Variants in TBC1D22B observed in about 807,000 individuals in gnomAD.
The protein encoded by TBC1D22B is TBC1 domain family member 22B.
TBC1D22B carries 32 observed loss-of-function variants against 69.1 expected under a neutral mutation model. The observed-to-expected ratio is 0.46, with a 90% CI of 0.35 to 0.62. TBC1D22B has a LOEUF of 0.62. Among genes scored for constraint, TBC1D22B ranks in the 20% least tolerant of loss-of-function variants. The pLI is 0.00. For synonymous variants in TBC1D22B, 206 were observed against 229.8 expected (o/e 0.90, Z 0.94); for missense variants, 462 against 630.9 (o/e 0.73, Z 2.87).
intron 12 of TBC1D22B, among the ~76,000 whole-genome samples, chr6:37,325,859 G>A (rs1344453189): frequency 6.6e-6 from 1 of 152,132 alleles, no homozygotes; most frequent in Admixed American, 6.5e-5. Flanking sequence ...TCCCATTGTT[G>A]CAGCATGAGG....
intron 12 of TBC1D22B, among the ~76,000 whole-genome samples, chr6:37,320,929 T>C (rs1768221866): frequency 6.6e-6 from 1 of 152,234 alleles, no homozygotes. Flanking sequence ...AGGTGGGGAC[T>C]CTTGACAATT....
intron 12 of TBC1D22B, chr6:37,324,311 C>T (rs1267167388): frequency 2.2e-5 from 10 of 456,630 alleles, no homozygotes; most frequent in Admixed American, 1.9e-4. Context: ...AGCTGGGTCA[C>T]ACTGGTGGCT....
At chr6:37,316,851 T>G in intron 11 of TBC1D22B, 21 bp downstream of exon 11, 1 of 1,613,854 alleles carries the variant, frequency 6.2e-7, no homozygotes, top group Non-Finnish European at 8.5e-7. Flanking sequence ...TTCCCCGGCC[T>G]CTCTGTGCCA....
intron 12 of TBC1D22B, among the ~76,000 whole-genome samples, chr6:37,329,845 AC>A (rs1397428803): frequency 1.3e-5 from 2 of 152,214 alleles, no homozygotes; most frequent in Non-Finnish European, 2.9e-5. Context: ...TAGAAGTTAC[AC>A]CTATCATTTT....
At chr6:37,304,101 A>T (rs1483881899) in intron 8 of TBC1D22B, among the ~76,000 whole-genome samples, 2 of 152,198 alleles carry the variant, frequency 1.3e-5, no homozygotes, top group Non-Finnish European at 2.9e-5. Flanking sequence ...TGGCCACTGG[A>T]GGGCAGTGAG....
intron 8 of TBC1D22B, among the ~76,000 whole-genome samples, chr6:37,296,136 C>G (rs1767359170): frequency 6.6e-6 from 1 of 152,110 alleles, no homozygotes; most frequent in African/African-American, 2.4e-5. Flanking sequence ...GTGGCATGCA[C>G]CTGTAATTCC....
Position 37,279,370 on chromosome 6 carries a change from T to G in TBC1D22B, c.180T>G (p.His60Gln), listed in dbSNP as rs771782230. The change falls in exon 3 of 13, where the codon CAT (histidine) becomes CAG (glutamine). Residue 60 changes from histidine (H) to glutamine (Q), a missense_variant. By Grantham distance (24) the His-to-Gln change is conservative. Coordinates refer to ENST00000373491, the MANE Select transcript of TBC1D22B (RefSeq NM_017772.4). ...AGAATAAGAAGGCCTCCAGTTTTCA[T>G]GAGTTTGCACGGAATACCAGTGATG... ...PLKNKKASSF[H>Q]EFARNTSDAW... The G allele has an allele frequency of 6.2e-6, 10 of 1,614,016 alleles. No homozygotes were observed. The highest frequency in any genetic ancestry group is 2.7e-5 in the African/African-American group (2 of 74,948).
rs369825271 is a variant in TBC1D22B, at chr6:37,284,500, T to G, written c.801+36T>G. The G allele has an allele frequency of 5.9e-6, 9 of 1,533,022 alleles. No homozygotes were observed. In the African/African-American group the frequency reaches 1.1e-4, roughly 19 times the overall value. The allele number at this position is 1,533,022 out of a possible 1,614,324, so 95.0% of individuals were successfully genotyped here. ...CACCTGCTGCCTCTTTGCTTACCAG[T>G]CATATACTTTAGGTATGTCTCATGG... On this transcript the variant is annotated intron_variant, in intron 6 of 12. Transcript: ENST00000373491.
chr6:37,278,463 C>T (rs953577429), intron 2 of TBC1D22B, among the ~76,000 whole-genome samples: 3 of 152,166 alleles, frequency 2.0e-5, no homozygotes, highest in African/African-American at 7.2e-5. Context: ...ACTGTCAAAT[C>T]TCTGTGGATT....
intron 12 of TBC1D22B, among the ~76,000 whole-genome samples, chr6:37,321,624 C>A (rs1007133826): frequency 1.3e-5 from 2 of 152,192 alleles, no homozygotes; most frequent in African/African-American, 4.8e-5. Flanking sequence ...CTCCAAGTGG[C>A]CTGAAATCAC....
chr6:37,279,253 T>TG, intron 2 of TBC1D22B, 51 bp from the exon 3 acceptor site: 2 of 1,442,422 alleles, frequency 1.4e-6, no homozygotes, highest in Non-Finnish European at 1.9e-6. Context: ...CAAATGTAGG[T>TG]GGTCAGATGT....
Position 37,282,910 on chromosome 6 carries a change from G to C in TBC1D22B, c.630G>C (p.Gly210=), listed in dbSNP as rs145541673. Residue 210 remains glycine, a synonymous_variant, in exon 5 of 13, where the codon GGG becomes GGC. Coordinates refer to ENST00000373491, the MANE Select transcript of TBC1D22B (RefSeq NM_017772.4). ...LDELRKCSWP[G]VPREVRPITW... ...AACTGAGGAAGTGTAGCTGGCCAGG[G>C]GTTCCCAGGGAGGTTCGACCTATAA... 1 of 1,613,962 alleles carries C rather than the reference G, an allele frequency of 6.2e-7. No individual in the cohort carries two copies. Among genetic ancestry groups the C allele is most frequent in the Non-Finnish European group, 8.5e-7 (1 of 1,179,902 alleles).
In TBC1D22B at chr6:37,282,675, C is replaced by A. The variant is rs537831780; in HGVS notation, c.602-207C>A. On this transcript the variant is annotated intron_variant, in intron 4 of 12. Transcript: ENST00000373491. ...CTTTCCCTTCCCCTCTAACTTTCAT[C>A]TCTGAGCTGACAGGACTGCTACTGC... is the stretch of plus-strand genomic sequence containing the variant. Among the ~76,000 whole-genome samples the A allele has an allele frequency of 2.0e-5, 3 of 152,334 alleles. No individual in the cohort carries two copies. The South Asian group carries it at 6.2e-4, about 32-fold the overall frequency.
chr6:37,269,540 A>G (rs1554182923), intron 1 of TBC1D22B, 54 bp from the exon 2 acceptor site: 11 of 1,568,626 alleles, frequency 7.0e-6, no homozygotes, highest in Non-Finnish European at 9.7e-6. Context: ...CTTAGCCAAC[A>G]TATTTAGTTT....
At chr6:37,302,455 A>C (rs1215078799) in intron 8 of TBC1D22B, among the ~76,000 whole-genome samples, 3 of 152,228 alleles carry the variant, frequency 2.0e-5, no homozygotes, top group Non-Finnish European at 4.4e-5. Flanking sequence ...TTGACCATGC[A>C]GCCATCATCA....
intron 12 of TBC1D22B, among the ~76,000 whole-genome samples, chr6:37,324,837 T>C (rs1021704348): frequency 6.6e-6 from 1 of 152,232 alleles, no homozygotes; most frequent in Non-Finnish European, 1.5e-5. Context: ...CACTACCCTG[T>C]GACCCTAGGC....
intron 8 of TBC1D22B, among the ~76,000 whole-genome samples, chr6:37,301,385 G>C (rs781480475): frequency 2.0e-5 from 3 of 152,090 alleles, no homozygotes; most frequent in Non-Finnish European, 4.4e-5. Flanking sequence ...GTACTCTTTA[G>C]CCATCACCCC....
At chr6:37,319,018 G>A (rs951471729) in intron 12 of TBC1D22B, among the ~76,000 whole-genome samples, 7 of 152,172 alleles carry the variant, frequency 4.6e-5, no homozygotes, top group Non-Finnish European at 5.9e-5. Context: ...GAGTGGCAGC[G>A]TCTCCATGTG....
intron 1 of TBC1D22B, among the ~76,000 whole-genome samples, chr6:37,268,085 T>G (rs1766362651): frequency 2.6e-5 from 4 of 152,238 alleles, no homozygotes; most frequent in Admixed American, 6.5e-5. Flanking sequence ...AGTTGAAGTT[T>G]GTTCTCTCAC....
Sources: allele counts gnomAD v4.1 joint callset (sites outside exome capture counted in the v4.1 genomes callset), GRCh38; gene constraint gnomAD v4.1.1; transcripts MANE v1.5; gene names NCBI Gene and HGNC (gene_info 2026-07-23, HGNC 2026-07-21).